CADM1: variants seen among roughly 807,000 people sequenced by gnomAD.
CADM1 encodes the protein TSLC-1.
A neutral mutation model predicts 53.1 loss-of-function variants in CADM1; 15 were observed. That is an observed-to-expected ratio of 0.28 (90% CI 0.19 to 0.44). The LOEUF is 0.44. Among genes scored for constraint, CADM1 ranks in the 20% least tolerant of loss-of-function variants. CADM1 has a pLI of 1.00. For synonymous variants in CADM1, 281 were observed against 243.0 expected, an observed-to-expected ratio of 1.16 and a Z score of -1.45; for missense variants, 434 against 611.3, an observed-to-expected ratio of 0.71 and a Z score of 3.06.
At chr11:115,208,263 G>A (rs1940791039) in intron 8 of CADM1, among the ~76,000 whole-genome samples, 1 of 152,236 alleles carries the variant, frequency 6.6e-6, no homozygotes, top group African/African-American at 2.4e-5. Context: ...CCAATGTTGA[G>A]AAGCACTGGC....
chr11:115,410,180 C>T (rs1347567369), intron 1 of CADM1, among the ~76,000 whole-genome samples: 1 of 152,218 alleles, frequency 6.6e-6, no homozygotes, highest in African/African-American at 2.4e-5. Flanking sequence ...TGACCTGAAC[C>T]TCTCTGCCCA....
chr11:115,483,502 C>T (rs958140399), intron 1 of CADM1, among the ~76,000 whole-genome samples: 4 of 151,984 alleles, frequency 2.6e-5, no homozygotes, highest in African/African-American at 9.7e-5. Context: ...GGTAATTCTT[C>T]AAATGAGGAA....
chr11:115,344,535 A>G (rs2135253517), intron 1 of CADM1, among the ~76,000 whole-genome samples: 1 of 152,276 alleles, frequency 6.6e-6, no homozygotes, highest in Non-Finnish European at 1.5e-5. Flanking sequence ...CTAACTGTTC[A>G]TAGAACTCCT....
chr11:115,387,717 G>T (rs1946733861), intron 1 of CADM1, among the ~76,000 whole-genome samples: 1 of 152,074 alleles, frequency 6.6e-6, no homozygotes, highest in African/African-American at 2.4e-5. Flanking sequence ...CTGTGAAAAT[G>T]GTTTGAACTT....
intron 1 of CADM1, among the ~76,000 whole-genome samples, chr11:115,413,667 C>CA (rs1210712143): frequency 1.4e-5 from 1 of 70,810 alleles, no homozygotes; most frequent in Non-Finnish European, 4.1e-5. Flanking sequence ...TTCTCTGAGA[C>CA]AGAGTCTTGC....
At chr11:115,209,767 C>T in intron 7 of CADM1, 110 bp from the exon 8 acceptor site, 2 of 1,309,172 alleles carry the variant, frequency 1.5e-6, no homozygotes, top group Non-Finnish European at 1.1e-6. Flanking sequence ...GATGGCTTCC[C>T]CCTTTAAAAC....
At chr11:115,307,517 A>ATATATATATAT (rs1555060904) in intron 1 of CADM1, among the ~76,000 whole-genome samples, 4 of 144,302 alleles carry the variant, frequency 2.8e-5, no homozygotes, top group African/African-American at 1.0e-4. Flanking sequence ...GGAAAAAAAA[A>ATATATATATAT]ATATATATAT....
chr11:115,371,630 C>G (rs896143271), intron 1 of CADM1, among the ~76,000 whole-genome samples: 1 of 147,742 alleles, frequency 6.8e-6, no homozygotes, highest in African/African-American at 2.5e-5. Context: ...CAGAGCTTGT[C>G]AGACTGGATT....
chr11:115,472,467 G>T (rs563572915), intron 1 of CADM1, among the ~76,000 whole-genome samples: 1 of 152,306 alleles, frequency 6.6e-6, no homozygotes, highest in South Asian at 2.1e-4. Flanking sequence ...GTGTGTGTGT[G>T]AGAGAGAGTG....
intron 8 of CADM1, among the ~76,000 whole-genome samples, chr11:115,207,802 G>A (rs1940767004): frequency 6.6e-6 from 1 of 152,104 alleles, no homozygotes; most frequent in African/African-American, 2.4e-5. Context: ...AAAATAGACT[G>A]GTGATATATT....
At chr11:115,358,827 C>G (rs1050588636) in intron 1 of CADM1, among the ~76,000 whole-genome samples, 1 of 152,166 alleles carries the variant, frequency 6.6e-6, no homozygotes, top group African/African-American at 2.4e-5. Flanking sequence ...ATAAGTAAAT[C>G]TAAAGTTAGC....
At chr11:115,298,526 A>G (rs1467792921) in intron 1 of CADM1, among the ~76,000 whole-genome samples, 1 of 152,178 alleles carries the variant, frequency 6.6e-6, no homozygotes, top group African/African-American at 2.4e-5. Flanking sequence ...CCTCCTAGTC[A>G]CCACTTCATC....
chr11:115,270,826 CT>C (rs1451315535), intron 1 of CADM1, among the ~76,000 whole-genome samples: 1 of 152,194 alleles, frequency 6.6e-6, no homozygotes, highest in Non-Finnish European at 1.5e-5. Flanking sequence ...AACATTCCCA[CT>C]TTCTCTAAAA....
intron 1 of CADM1, among the ~76,000 whole-genome samples, chr11:115,316,848 A>G (rs1944680502): frequency 6.6e-6 from 1 of 152,210 alleles, no homozygotes; most frequent in South Asian, 2.1e-4. Context: ...ATAGCAAGAT[A>G]AAGTGAGAGA....
intron 1 of CADM1, among the ~76,000 whole-genome samples, chr11:115,256,546 T>G (rs994669211): frequency 1.3e-5 from 2 of 152,192 alleles, no homozygotes; most frequent in African/African-American, 4.8e-5. Context: ...ACACTTACCT[T>G]GAAACCAGAG....
chr11:115,418,415 T>C (rs1947663419), intron 1 of CADM1, among the ~76,000 whole-genome samples: 1 of 152,082 alleles, frequency 6.6e-6, no homozygotes, highest in African/African-American at 2.4e-5. Context: ...AACTGAGAGA[T>C]AAATATCAAA....
chr11:115,485,741 A>G (rs981547077), intron 1 of CADM1, among the ~76,000 whole-genome samples: 3 of 152,148 alleles, frequency 2.0e-5, no homozygotes, highest in African/African-American at 7.2e-5. Context: ...CTTTTTCTTT[A>G]TATAAACTAC....
chr11:115,489,183 T>G (rs934485137), intron 1 of CADM1, among the ~76,000 whole-genome samples: 17 of 152,250 alleles, frequency 1.1e-4, no homozygotes, highest in African/African-American at 4.1e-4. Flanking sequence ...TTATCTGGAC[T>G]GCTAGACTAA....
At chr11:115,281,924 TTCA>T (rs398045615) in intron 1 of CADM1, among the ~76,000 whole-genome samples, 3 of 104,004 alleles carry the variant, frequency 2.9e-5, no homozygotes, top group Non-Finnish European at 4.4e-5. Flanking sequence ...AAATAACTGG[TTCA>T]TTTTTTGTTA....
Sources: allele counts gnomAD v4.1 joint callset (sites outside exome capture counted in the v4.1 genomes callset), GRCh38; gene constraint gnomAD v4.1.1; transcripts MANE v1.5; gene names NCBI Gene and HGNC (gene_info 2026-07-23, HGNC 2026-07-21).